The following NAALADL2 variants were observed in gnomAD, a reference collection of about 807,000 sequenced individuals.
NAALADL2 encodes the protein N-acetylated alpha-linked acidic dipeptidase like 2.
Under a neutral mutation model 87.2 loss-of-function variants are expected in NAALADL2, and 76 were observed. The observed-to-expected ratio is 0.87, with a 90% CI of 0.72 to 1.05. The LOEUF (loss-of-function observed/expected upper bound fraction) is 1.05. Among genes scored for constraint, NAALADL2 ranks in the 50% least tolerant of loss-of-function variants. NAALADL2 has a pLI of 0.00. For synonymous variants in NAALADL2, 354 were observed against 331.0 expected (o/e 1.07, Z -0.75); for missense variants, 1,089 against 945.8 (o/e 1.15, Z -1.99).
chr3:175,026,655 CA>C (rs11333456), intron 1 of NAALADL2, among the ~76,000 whole-genome samples: 48,430 of 143,076 alleles, frequency 0.34, 9,681 homozygotes, highest in African/African-American at 0.57. Context: ...AACTCTGTCT[CA>C]AAAAAAAAAA....
chr3:175,192,748 C>T (rs1257732579), intron 2 of NAALADL2, among the ~76,000 whole-genome samples: 1 of 151,926 alleles, frequency 6.6e-6, no homozygotes, highest in Non-Finnish European at 1.5e-5. Context: ...TGGCTCCTAT[C>T]CAATGTATAC....
chr3:174,830,903 CTGTT>C (rs1722600710), intron 3 of NAALADL2, among the ~76,000 whole-genome samples: 1 of 151,384 alleles, frequency 6.6e-6, no homozygotes, highest in Non-Finnish European at 1.5e-5. Context: ...ATTTGGCTCT[CTGTT>C]TGTCTGTTGT....
chr3:174,851,010 A>G (rs1725177014), intron 3 of NAALADL2, among the ~76,000 whole-genome samples: 2 of 152,122 alleles, frequency 1.3e-5, no homozygotes, highest in Non-Finnish European at 2.9e-5. Context: ...CTCCTGAATG[A>G]CCACTGGGTC....
chr3:175,374,865 C>T (rs1325131067), intron 5 of NAALADL2, among the ~76,000 whole-genome samples: 1 of 149,736 alleles, frequency 6.7e-6, no homozygotes, highest in Admixed American at 6.7e-5. Context: ...CACAATGAGA[C>T]CCTGTCGCAA....
rs774996519 is a variant in NAALADL2 at position 175,809,804 on chromosome 3, G to A, written c.*6601G>A. On this transcript the variant is annotated 3_prime_UTR_variant, in exon 14 of 14. Coordinates refer to ENST00000454872, the MANE Select transcript of NAALADL2 (RefSeq NM_207015.3). ...CTTTAATCATGTATTCAATGTAGCA[G>A]CATTTAGATATGTAAGATTTTAGAA... 4.6e-5 allele frequency: 7 copies of A among 152,014 alleles called. No homozygotes were observed. Among genetic ancestry groups the A allele is most frequent in the Non-Finnish European group, 8.8e-5 (6 of 67,984 alleles). The allele number at this position is 152,014 out of a possible 1,614,324, so 9.4% of individuals were successfully genotyped here. A position where few individuals can be genotyped will look rare whatever the true frequency, so the allele number is the denominator to read the frequency against.
At chr3:174,798,836 A>AT (rs1718457585) in intron 3 of NAALADL2, among the ~76,000 whole-genome samples, 2 of 151,946 alleles carry the variant, frequency 1.3e-5, no homozygotes, top group South Asian at 4.2e-4. Flanking sequence ...ATTCCTATGG[A>AT]TTTTTTTATA....
chr3:175,044,426 A>G (rs966348077), intron 1 of NAALADL2, among the ~76,000 whole-genome samples: 24 of 152,108 alleles, frequency 1.6e-4, no homozygotes, highest in Non-Finnish European at 2.1e-4. Flanking sequence ...TTGTTGAAAT[A>G]TTTAGACCAT....
intron 3 of NAALADL2, among the ~76,000 whole-genome samples, chr3:174,852,203 T>C (rs1423778096): frequency 6.6e-6 from 1 of 152,108 alleles, no homozygotes; most frequent in East Asian, 1.9e-4. Flanking sequence ...TTTCACTTAG[T>C]AGTGGAAGTC....
chr3:174,528,133 T>C (rs1014171107), intron 1 of NAALADL2, among the ~76,000 whole-genome samples: 4 of 152,200 alleles, frequency 2.6e-5, no homozygotes, highest in African/African-American at 9.6e-5. Context: ...AATTCACACA[T>C]AGGAGCTTTC....
At chr3:175,413,829 A>G (rs1200976529) in intron 5 of NAALADL2, among the ~76,000 whole-genome samples, 2 of 152,134 alleles carry the variant, frequency 1.3e-5, no homozygotes, top group African/African-American at 2.4e-5. Flanking sequence ...TTTAATTAAT[A>G]AAATAAAATA....
chr3:175,298,486 A>G (rs1055137118), intron 4 of NAALADL2, among the ~76,000 whole-genome samples: 2 of 152,120 alleles, frequency 1.3e-5, no homozygotes, highest in Non-Finnish European at 2.9e-5. Context: ...ATCTCATAAA[A>G]GAGAGAATAA....
chr3:174,654,804 C>T (rs1724734211), intron 2 of NAALADL2, among the ~76,000 whole-genome samples: 1 of 152,138 alleles, frequency 6.6e-6, no homozygotes, highest in African/African-American at 2.4e-5. Context: ...GACGCCATCT[C>T]CACTCACTGC....
chr3:175,444,090 G>A (rs1209765522), intron 5 of NAALADL2, among the ~76,000 whole-genome samples: 1 of 152,168 alleles, frequency 6.6e-6, no homozygotes, highest in Non-Finnish European at 1.5e-5. Flanking sequence ...AAAACTGATA[G>A]GAAGTAATAT....
Position 174,513,387 on chromosome 3 carries a change from ATTATC to A in NAALADL2, c.-183-37175_-183-37171del, listed in dbSNP as rs1177548648. The A allele has an allele frequency of 3.3e-5, 5 of 152,290 alleles. No homozygotes were observed. In the South Asian group the frequency reaches 6.2e-4, roughly 19 times the overall value. 9.4% of individuals were successfully genotyped at this position (152,290 alleles called of 1,614,324 possible). Reference sequence around the variant, plus strand: ...TTTTTCACCAGTACATACCAATTTAATTATCTTATCTATTTTTAATGAATATCAAT... The same window carrying A: ...TTTTTCACCAGTACATACCAATTTAATTATCTATTTTTAATGAATATCAAT... On this transcript the variant is annotated intron_variant, in intron 1 of 3. Transcript: ENST00000434257.
intron 2 of NAALADL2, among the ~76,000 whole-genome samples, chr3:174,581,202 C>T (rs1268703167): frequency 1.3e-5 from 2 of 152,006 alleles, no homozygotes; most frequent in Non-Finnish European, 2.9e-5. Flanking sequence ...ATCTCAAGTG[C>T]CAAGAATCTA....
chr3:174,795,295 C>A (rs1032158480), intron 3 of NAALADL2, among the ~76,000 whole-genome samples: 1 of 151,622 alleles, frequency 6.6e-6, no homozygotes, highest in Non-Finnish European at 1.5e-5. Flanking sequence ...CCACACCCGG[C>A]CTTCTAGTCC....
intron 5 of NAALADL2, among the ~76,000 whole-genome samples, chr3:175,411,178 T>C (rs956315202): frequency 6.6e-6 from 1 of 152,160 alleles, no homozygotes; most frequent in Non-Finnish European, 1.5e-5. Context: ...GGGGCAGCAG[T>C]GTTCTCTATT....
At chr3:174,756,138 G>T (rs1415861599) in intron 3 of NAALADL2, among the ~76,000 whole-genome samples, 1 of 152,166 alleles carries the variant, frequency 6.6e-6, no homozygotes, top group Non-Finnish European at 1.5e-5. Context: ...TGATTGTAAA[G>T]CACTGCAGTG....
At chr3:175,443,847 A>G (rs979503168) in intron 5 of NAALADL2, among the ~76,000 whole-genome samples, 1 of 44,310 alleles carries the variant, frequency 2.3e-5, no homozygotes, top group Non-Finnish European at 4.3e-5. Flanking sequence ...GAAAATAGCA[A>G]GCATTGCAAA....
Sources: gnomAD v4.1 joint callset for allele counts (sites outside exome capture counted in the v4.1 genomes callset) on GRCh38, gnomAD v4.1.1 for gene constraint, MANE v1.5 for transcripts, NCBI Gene and HGNC (gene_info 2026-07-23, HGNC 2026-07-21) for gene names.